SLC2A10: variants seen among roughly 807,000 people sequenced by gnomAD.
SLC2A10 encodes solute carrier family 2 member 10.
In SLC2A10, 25 loss-of-function variants were observed where a neutral mutation model predicts 32.1. That is an observed-to-expected ratio of 0.78 (90% CI 0.57 to 1.09). The LOEUF (loss-of-function observed/expected upper bound fraction) is 1.09, where lower values mean the gene tolerates loss of function less well. Among genes scored for constraint, SLC2A10 ranks in the 50% least tolerant of loss-of-function variants. The pLI is 0.00. For missense variants in SLC2A10, 673 were observed against 686.5 expected (o/e 0.98, Z 0.22); for synonymous variants, 332 against 309.6 (o/e 1.07, Z -0.76).
chr20:46,711,219 C>G (rs1474463229), intron 1 of SLC2A10, among the ~76,000 whole-genome samples: 1 of 152,318 alleles, frequency 6.6e-6, no homozygotes, highest in East Asian at 1.9e-4. Context: ...GTCGCTAACA[C>G]TGGCTATGAT....
At chr20:46,731,892 G>T (rs1980321635) in intron 4 of SLC2A10, among the ~76,000 whole-genome samples, 1 of 152,138 alleles carries the variant, frequency 6.6e-6, no homozygotes. Context: ...CAAGAGCCAT[G>T]GTCCCAGGAG....
rs1377461118 is a variant in SLC2A10, at chr20:46,709,669, G to C, written c.-68G>C. On this transcript the variant is annotated 5_prime_UTR_variant, in exon 1 of 5. Transcript: ENST00000359271. ...AGTTTGTCCGGCGGCAGCGGCGTTG[G>C]GGACTCCGGCGGGGGATGCGCGCCC... 6.6e-7 allele frequency: 1 copy of C among 1,526,584 alleles called. No individual in the cohort carries two copies. The highest frequency in any genetic ancestry group is 8.8e-7 in the Non-Finnish European group (1 of 1,137,098). The allele number at this position is 1,526,584 out of a possible 1,614,324, so 94.6% of individuals were successfully genotyped here. A position where few individuals can be genotyped will look rare whatever the true frequency, so the allele number is the denominator to read the frequency against.
At chr20:46,709,389 G>A, upstream of SLC2A10, 1 of 390,064 alleles carries the variant, frequency 2.6e-6, no homozygotes, top group East Asian at 4.7e-5. Flanking sequence ...TTCTACCAGG[G>A]AGGATGGCTT....
chr20:46,723,496 A>G (rs1174767412), intron 1 of SLC2A10, among the ~76,000 whole-genome samples: 1 of 152,230 alleles, frequency 6.6e-6, no homozygotes, highest in Non-Finnish European at 1.5e-5. Flanking sequence ...CTCATTTAGC[A>G]TCTCCATACA....
At chr20:46,731,404 G>A (rs1447642560) in intron 4 of SLC2A10, among the ~76,000 whole-genome samples, 2 of 152,218 alleles carry the variant, frequency 1.3e-5, no homozygotes, top group Non-Finnish European at 2.9e-5. Flanking sequence ...GCAGCCATGT[G>A]CCCAGCTAAA....
intron 1 of SLC2A10, among the ~76,000 whole-genome samples, chr20:46,722,356 C>T (rs914912198): frequency 1.3e-5 from 2 of 152,172 alleles, no homozygotes; most frequent in South Asian, 2.1e-4. Flanking sequence ...AAACAGGAGC[C>T]ATATCTCAGG....
At chr20:46,729,159 T>G (rs1980137922) in intron 3 of SLC2A10, among the ~76,000 whole-genome samples, 194 bp from the exon 4 acceptor site, 1 of 152,226 alleles carries the variant, frequency 6.6e-6, no homozygotes, top group Non-Finnish European at 1.5e-5. Context: ...TCCCCGCCTT[T>G]GAGACAATCA....
chr20:46,733,963 C>G lies in SLC2A10; in HGVS notation c.*129C>G. 1 of 832,178 alleles carries G rather than the reference C, an allele frequency of 1.2e-6. No homozygotes were observed. 51.5% of individuals were successfully genotyped at this position (832,178 alleles called of 1,614,324 possible). A position where few individuals can be genotyped will look rare whatever the true frequency, so the allele number is the denominator to read the frequency against. ...AGTGGCCCCTGCCCCCAAAGGTGGT[C>G]TGCTTTTGCTGGGGTAAAAAGGATG... On this transcript the variant is annotated 3_prime_UTR_variant, in exon 5 of 5. Transcript: ENST00000359271.
chr20:46,712,415 C>T (rs1348610281), intron 1 of SLC2A10, among the ~76,000 whole-genome samples: 1 of 152,042 alleles, frequency 6.6e-6, no homozygotes, highest in East Asian at 1.9e-4. Flanking sequence ...AGGGTTCTCC[C>T]CCCTCCCCCT....
intron 1 of SLC2A10, among the ~76,000 whole-genome samples, chr20:46,711,243 G>A (rs938617861): frequency 3.3e-5 from 5 of 152,232 alleles, no homozygotes; most frequent in African/African-American, 1.2e-4. Context: ...GGTAAGCATA[G>A]AAGGTAGGCA....
intron 1 of SLC2A10, among the ~76,000 whole-genome samples, chr20:46,714,110 A>C (rs1394599297): frequency 2.0e-5 from 3 of 152,144 alleles, no homozygotes; most frequent in Non-Finnish European, 1.5e-5. Context: ...GGGTCACTGA[A>C]GTCTATGGCT....
chr20:46,716,667 C>T (rs1165068064), intron 1 of SLC2A10, among the ~76,000 whole-genome samples: 1 of 151,860 alleles, frequency 6.6e-6, no homozygotes, highest in African/African-American at 2.4e-5. Flanking sequence ...AATAGGGTAG[C>T]CAGCATCCAT....
intron 4 of SLC2A10, among the ~76,000 whole-genome samples, chr20:46,732,795 GGAATTACAA>G (rs1029534557): frequency 6.6e-6 from 1 of 151,602 alleles, no homozygotes; most frequent in Non-Finnish European, 1.5e-5. Context: ...AGCTGAGACT[GGAATTACAA>G]GAAAAAGTCA....
In SLC2A10 at chr20:46,726,217, C is replaced by G. The variant is rs1278915995; in HGVS notation, c.1181C>G (p.Ala394Gly). The G allele has an allele frequency of 6.2e-7, 1 of 1,614,060 alleles. No homozygotes were observed. Among genetic ancestry groups the G allele is most frequent in the Non-Finnish European group, 8.5e-7 (1 of 1,180,042 alleles). The change falls in exon 2 of 5, where the codon GCC (alanine) becomes GGC (glycine). Residue 394 changes from alanine to glycine, a missense_variant. Physicochemically the swap from Ala to Gly is moderately conservative, Grantham distance 60. Coordinates refer to ENST00000359271, the MANE Select transcript of SLC2A10 (RefSeq NM_030777.4). ...CCTCCTCGGCTGGCCCTGAGCTCTG[C>G]CCTCCCTGGGCCCCCTCTGCCCGCT... ...SAPPRLALSS[A>G]LPGPPLPARG...
chr20:46,708,327 G>A (rs1978707388), upstream of SLC2A10, among the ~76,000 whole-genome samples: 1 of 152,206 alleles, frequency 6.6e-6, no homozygotes, highest in Admixed American at 6.5e-5. Flanking sequence ...CGTATTGAGA[G>A]GCTGGATAAG....
intron 1 of SLC2A10, among the ~76,000 whole-genome samples, chr20:46,719,007 C>A (rs1191626179): frequency 6.6e-6 from 1 of 152,228 alleles, no homozygotes; most frequent in Non-Finnish European, 1.5e-5. Context: ...GCCTCAAACT[C>A]CTGGCCTCAA....
In SLC2A10 at chr20:46,730,314, A is replaced by T. The variant is rs556559597; in HGVS notation, c.1547+826A>T. 2.1e-4 allele frequency among the ~76,000 whole-genome samples: 32 copies of T among 152,254 alleles called. No homozygotes were observed. The South Asian group carries it at 3.7e-3, about 18-fold the overall frequency. On this transcript the variant is annotated intron_variant, in intron 4 of 4. Coordinates refer to ENST00000359271, the MANE Select transcript of SLC2A10 (RefSeq NM_030777.4). ...AGAGCTTCCATTTGATGGGGGAGGG[A>T]AGCCAACAAATGCATAAACAAGAGC...
At chr20:46,713,566 A>T (rs1329986688) in intron 1 of SLC2A10, among the ~76,000 whole-genome samples, 2 of 152,170 alleles carry the variant, frequency 1.3e-5, no homozygotes, top group Admixed American at 1.3e-4. Context: ...AGAGTCTTGA[A>T]GGCCACGGTG....
intron 1 of SLC2A10, chr20:46,714,492 G>A (rs1315901798): frequency 1.3e-5 from 2 of 152,508 alleles, no homozygotes; most frequent in African/African-American, 4.8e-5. Context: ...GAGGCTCCTT[G>A]GGGAGGTGGC....
Sources: allele counts gnomAD v4.1 joint callset (sites outside exome capture counted in the v4.1 genomes callset), GRCh38; gene constraint gnomAD v4.1.1; transcripts MANE v1.5; gene names NCBI Gene and HGNC (gene_info 2026-07-23, HGNC 2026-07-21).